EFCAB6: variants seen among roughly 807,000 people sequenced by gnomAD.
EFCAB6 encodes the protein EF-hand calcium-binding domain-containing protein 6.
A neutral mutation model predicts 169.8 loss-of-function variants in EFCAB6; 156 were observed. That is an observed-to-expected ratio of 0.92 (90% CI 0.81 to 1.05). The LOEUF is 1.05. EFCAB6 is among the 50% of genes least tolerant of loss of function. The pLI is 0.00. For missense variants in EFCAB6, 1,800 were observed against 1,829.1 expected (o/e 0.98, Z 0.29); for synonymous variants, 698 against 676.4 (o/e 1.03, Z -0.50).
At chr22:43,560,941 C>T (rs1015272068) in intron 26 of EFCAB6, among the ~76,000 whole-genome samples, 2 of 152,172 alleles carry the variant, frequency 1.3e-5, no homozygotes, top group Admixed American at 6.5e-5. Context: ...AGCCCAACTG[C>T]GTGGCGGCGT....
rs560458885 is a variant in EFCAB6 at position 43,616,606 on chromosome 22, G to A, written c.2466-684C>T. 2.5e-3 allele frequency among the ~76,000 whole-genome samples: 12 copies of A among 4,740 alleles called. No homozygotes were observed. The South Asian group carries it at 0.12, about 49-fold the overall frequency. The allele number at this position is 4,740 out of a possible 152,430, so 3.1% of individuals were successfully genotyped here. On this transcript the variant is annotated intron_variant, in intron 20 of 31. Coordinates refer to ENST00000262726, the MANE Select transcript of EFCAB6 (RefSeq NM_022785.4). ...TTGAACCTGGGAGGCGGAGGTTGCA[G>A]TGAGCTGAGATTCGTGCCATTGCAC... is the stretch of plus-strand genomic sequence containing the variant.
intron 24 of EFCAB6, among the ~76,000 whole-genome samples, chr22:43,588,550 GA>G (rs1215641325): frequency 6.6e-6 from 1 of 151,706 alleles, no homozygotes; most frequent in Non-Finnish European, 1.5e-5. Flanking sequence ...AGAGAAAGAA[GA>G]AAAAAAGATT....
chr22:43,562,089 C>G (rs1479332551), intron 26 of EFCAB6, among the ~76,000 whole-genome samples: 1 of 152,140 alleles, frequency 6.6e-6, no homozygotes, highest in African/African-American at 2.4e-5. Context: ...AAATGGAGTG[C>G]AGTCATATGC....
intron 8 of EFCAB6, among the ~76,000 whole-genome samples, chr22:43,720,101 T>TATGATTAAGATGTA (rs2059467732): frequency 6.6e-6 from 1 of 152,030 alleles, no homozygotes; most frequent in Non-Finnish European, 1.5e-5. Context: ...TATATGTACA[T>TATGATTAAGATGTA]CAAATCACCA....
chr22:43,606,332 G>A (rs2052917255), intron 22 of EFCAB6, among the ~76,000 whole-genome samples: 1 of 152,202 alleles, frequency 6.6e-6, no homozygotes, highest in Admixed American at 6.5e-5. Context: ...TTGGCGATGA[G>A]CTCTGGATTA....
chr22:43,667,695 G>T, intron 16 of EFCAB6, among the ~76,000 whole-genome samples: 1 of 152,166 alleles, frequency 6.6e-6, no homozygotes, highest in East Asian at 1.9e-4. Flanking sequence ...GAAATAGGCT[G>T]TTTTGTGGTA....
At chr22:43,534,981 T>C in intron 29 of EFCAB6, 109 bp from the exon 30 acceptor site, 2 of 1,201,466 alleles carry the variant, frequency 1.7e-6, no homozygotes, top group South Asian at 3.0e-5. Flanking sequence ...GGCCCTGGCT[T>C]GGTCCTCACA....
intron 25 of EFCAB6, among the ~76,000 whole-genome samples, chr22:43,578,344 C>T (rs2050396070): frequency 6.6e-6 from 1 of 152,212 alleles, no homozygotes; most frequent in Admixed American, 6.5e-5. Context: ...AGCCAGGACT[C>T]TGTGACGTTA....
Position 43,540,368 on chromosome 22 carries a change from A to C in EFCAB6, c.3649-11T>G, listed in dbSNP as rs1442610126. 6.2e-7 allele frequency: 1 copy of C among 1,613,842 alleles called. No homozygotes were observed. The highest frequency in any genetic ancestry group is 2.2e-5 in the East Asian group (1 of 44,870). On this transcript the variant is annotated splice_polypyrimidine_tract_variant and intron_variant, in intron 27 of 31. Transcript: ENST00000262726. ...CCAGAGTCTGTCAAACTGGAGAAGGAGCAGAAGTCATTTCCCAGGTGTCAG... is the reference window on the plus strand; with the variant it reads ...CCAGAGTCTGTCAAACTGGAGAAGGCGCAGAAGTCATTTCCCAGGTGTCAG...
chr22:43,692,836 G>T (rs530641639), intron 10 of EFCAB6, among the ~76,000 whole-genome samples: 1 of 151,880 alleles, frequency 6.6e-6, no homozygotes, highest in African/African-American at 2.4e-5. Context: ...AGAAATAAAG[G>T]CCAAAATTTT....
intron 20 of EFCAB6, among the ~76,000 whole-genome samples, chr22:43,618,200 AAG>A (rs1248512250): frequency 6.8e-6 from 1 of 146,464 alleles, no homozygotes; most frequent in Non-Finnish European, 1.5e-5. Flanking sequence ...GAAAGAAAGA[AAG>A]AAAGAAAGAA....
At chr22:43,637,467 C>T (rs535137632) in intron 17 of EFCAB6, among the ~76,000 whole-genome samples, 1 of 152,382 alleles carries the variant, frequency 6.6e-6, no homozygotes, top group East Asian at 1.9e-4. Flanking sequence ...AAAGTGTGCG[C>T]TGTATCTACG....
At chr22:43,745,077 A>G (rs925415139) in intron 6 of EFCAB6, among the ~76,000 whole-genome samples, 1 of 152,228 alleles carries the variant, frequency 6.6e-6, no homozygotes, top group African/African-American at 2.4e-5. Flanking sequence ...GAGCTAAGAA[A>G]TCAAACTGCT....
chr22:43,725,985 A>C (rs116317551), intron 8 of EFCAB6, among the ~76,000 whole-genome samples: 1,753 of 152,324 alleles, frequency 0.012, 33 homozygotes, highest in African/African-American at 0.041. Context: ...AATAGGCTTT[A>C]GACTGTGGTA....
In EFCAB6 at chr22:43,591,322, C is replaced by T. The variant is rs536066478; in HGVS notation, c.2877-1093G>A. Reference sequence around the variant, plus strand: ...AAACACAAAAATTAGCCAGGCATGGCGGTGGGCACCTGTAATCCCAGCTAC... The same window carrying T: ...AAACACAAAAATTAGCCAGGCATGGTGGTGGGCACCTGTAATCCCAGCTAC... On this transcript the variant is annotated intron_variant, in intron 23 of 31. Transcript: ENST00000262726. 7.3e-5 allele frequency among the ~76,000 whole-genome samples: 11 copies of T among 151,322 alleles called. No individual in the cohort carries two copies. The South Asian group carries it at 1.0e-3, about 14-fold the overall frequency.
chr22:43,775,955 G>C (rs907597800), intron 3 of EFCAB6, among the ~76,000 whole-genome samples: 2 of 152,246 alleles, frequency 1.3e-5, no homozygotes, highest in Non-Finnish European at 1.5e-5. Flanking sequence ...GGACTGCATA[G>C]AGCAGAGACA....
At chr22:43,635,453 G>A (rs1478582498) in intron 17 of EFCAB6, among the ~76,000 whole-genome samples, 1 of 152,192 alleles carries the variant, frequency 6.6e-6, no homozygotes, top group Non-Finnish European at 1.5e-5. Flanking sequence ...CAGTTGGCAT[G>A]GTGCTCAGGC....
At position 43,687,731 on chromosome 22, in the gene EFCAB6, T is replaced by C. The variant is rs555635351; in HGVS notation, c.1032-150A>G. On this transcript the variant is annotated intron_variant, in intron 10 of 31. Coordinates refer to ENST00000262726, the MANE Select transcript of EFCAB6 (RefSeq NM_022785.4). ...ATATAAACAAAATCACTTAGTAAAA[T>C]AGTACTACAAATTGATTTTTTAAAG... is the stretch of plus-strand genomic sequence containing the variant. The C allele has an allele frequency of 7.7e-6, 4 of 516,480 alleles. No individual in the cohort carries two copies. In the East Asian group the frequency reaches 1.3e-4, roughly 17 times the overall value. The allele number at this position is 516,480 out of a possible 1,614,324, so 32.0% of individuals were successfully genotyped here. A position where few individuals can be genotyped will look rare whatever the true frequency, so the allele number is the denominator to read the frequency against.
chr22:43,561,174 C>G (rs1200891176), intron 26 of EFCAB6, among the ~76,000 whole-genome samples: 2 of 151,928 alleles, frequency 1.3e-5, no homozygotes, highest in African/African-American at 4.8e-5. Flanking sequence ...CTGGCCAATA[C>G]AGCGAAAGTT....
Sources: allele counts gnomAD v4.1 joint callset (sites outside exome capture counted in the v4.1 genomes callset), GRCh38; gene constraint gnomAD v4.1.1; transcripts MANE v1.5; gene names NCBI Gene and HGNC (gene_info 2026-07-23, HGNC 2026-07-21).